TTC7A: variants seen among roughly 807,000 people sequenced by gnomAD.
TTC7A encodes the protein tetratricopeptide repeat domain 7A, also known as tetratricopeptide repeat protein 7A.
In TTC7A, 110 loss-of-function variants were observed where a neutral mutation model predicts 103.7. The observed-to-expected ratio is 1.06, with a 90% confidence interval of 0.91 to 1.24. The LOEUF is 1.24. TTC7A is among the 50% of genes most tolerant of loss of function. The probability of loss-of-function intolerance (pLI) is 0.00; values close to 1 mark genes in which losing one functional copy is unlikely to be tolerated. For synonymous variants in TTC7A, 521 were observed against 467.9 expected (o/e 1.11, Z -1.47); for missense variants, 1,340 against 1,116.3 (o/e 1.20, Z -2.86).
Position 47,049,995 on chromosome 2 carries a change from A to T in TTC7A, c.1966A>T (p.Lys656Ter), listed in dbSNP as rs1249347636. ...CTTCGGTGAGGGCCTCACCATGAAG[A>T]AGCAGAGTGGCATGCACCTGACTTT... Reference protein sequence around the residue: ...GSFGEGLTMKKQSGMHLTLPD... With the variant: ...GSFGEGLTMK The change falls in exon 17 of 20, where the codon AAG becomes TAG. Residue 656 changes from lysine to a stop codon, truncating the protein, a stop_gained. Transcript: ENST00000319190. LOFTEE classifies it high-confidence loss of function. The T allele has an allele frequency of 1.9e-6, 3 of 1,614,050 alleles. No individual in the cohort carries two copies. The highest frequency in any genetic ancestry group is 2.5e-6 in the Non-Finnish European group (3 of 1,180,044).
At chr2:46,966,889 C>T (rs1260258479) in intron 3 of TTC7A, among the ~76,000 whole-genome samples, 1 of 127,386 alleles carries the variant, frequency 7.9e-6, no homozygotes, top group Non-Finnish European at 1.6e-5. Flanking sequence ...GCCAAATTGC[C>T]TGTGTTTTTT....
intron 17 of TTC7A, chr2:47,050,965 A>C (rs766569651): frequency 6.6e-6 from 1 of 152,238 alleles, no homozygotes; most frequent in Non-Finnish European, 1.5e-5. Context: ...GAAAGTGCTC[A>C]CATTTCACCT....
intron 18 of TTC7A, 37 bp from the exon 19 acceptor site, chr2:47,060,732 A>AC (rs748137708): frequency 2.6e-6 from 4 of 1,561,500 alleles, no homozygotes; most frequent in Admixed American, 3.5e-5. Flanking sequence ...CTGACTCCCC[A>AC]CCACTCACAC....
chr2:46,957,113 G>T (rs898109567), intron 3 of TTC7A, 106 bp downstream of exon 3: 3 of 1,431,940 alleles, frequency 2.1e-6, no homozygotes, highest in Middle Eastern at 2.2e-4. Flanking sequence ...ACCCCTGGTA[G>T]TGCCCATGCC....
chr2:46,916,760 G>A (rs1316073877), intron 1 of TTC7A, among the ~76,000 whole-genome samples: 2 of 151,958 alleles, frequency 1.3e-5, no homozygotes. Context: ...TCAGCCTCCC[G>A]AGTAGCTGGG....
chr2:47,049,962 G>A lies in TTC7A; in HGVS notation c.1933G>A (p.Asp645Asn). Residue 645 changes from aspartate (D) to asparagine (N), a missense_variant, in exon 17 of 20, where the codon GAT becomes AAT. Physicochemically the swap from Asp to Asn is conservative, Grantham distance 23. Transcript: ENST00000319190. ...SFSQLGGLEKDGSFGEGLTMK... is the reference protein window; with the variant it reads ...SFSQLGGLEKNGSFGEGLTMK... ...TTTGCCTTCCAGAGGCCTAGAAAAGGATGGCAGCTTCGGTGAGGGCCTCAC... is the reference window on the plus strand; with the variant it reads ...TTTGCCTTCCAGAGGCCTAGAAAAGAATGGCAGCTTCGGTGAGGGCCTCAC... 6.2e-7 allele frequency: 1 copy of A among 1,614,162 alleles called. No homozygotes were observed.
At chr2:47,057,356 G>A (rs968211011) in intron 18 of TTC7A, among the ~76,000 whole-genome samples, 3 of 152,164 alleles carry the variant, frequency 2.0e-5, no homozygotes, top group South Asian at 2.1e-4. Flanking sequence ...CAGCCCTAAC[G>A]GTTCTTCAGG....
intron 15 of TTC7A, among the ~76,000 whole-genome samples, chr2:47,037,749 C>A (rs976191578): frequency 1.2e-4 from 19 of 152,184 alleles, no homozygotes; most frequent in Admixed American, 7.9e-4. Flanking sequence ...TCATGATTCC[C>A]CTTTTACAGA....
chr2:47,047,256 G>A, intron 16 of TTC7A: 1 of 1,536,652 alleles, frequency 6.5e-7, no homozygotes, highest in South Asian at 1.2e-5. Context: ...GTATATTTGT[G>A]TTTTCACAGA....
intron 3 of TTC7A, among the ~76,000 whole-genome samples, chr2:46,970,726 C>G (rs1021364443): frequency 1.3e-5 from 2 of 152,204 alleles, no homozygotes; most frequent in South Asian, 2.1e-4. Context: ...GCTGGCCTAG[C>G]TCTGGCAGTG....
chr2:47,057,033 G>T (rs1218912979), intron 18 of TTC7A, among the ~76,000 whole-genome samples: 2 of 152,226 alleles, frequency 1.3e-5, no homozygotes, highest in African/African-American at 4.8e-5. Flanking sequence ...GGCAGCCACG[G>T]CCAGGCTGGG....
At position 47,006,714 on chromosome 2, in the gene TTC7A, C is replaced by T. The variant is rs1213356468; in HGVS notation, c.1277C>T (p.Ala426Val). 1 of 1,613,732 alleles carries T rather than the reference C, an allele frequency of 6.2e-7. No homozygotes were observed. The highest frequency in any genetic ancestry group is 8.5e-7 in the Non-Finnish European group (1 of 1,179,614). The change falls in exon 10 of 20, where the codon GCT becomes GTT. Residue 426 changes from alanine (A) to valine (V), a missense_variant. Physicochemically the swap from Ala to Val is moderately conservative, Grantham distance 64 (BLOSUM62 0). Transcript: ENST00000319190. The part of the protein sequence containing the change: ...LWYQVALSMV[A>V]CGKSAYAVSL... Reference sequence around the variant, plus strand: ...TACCAGGTGGCCCTCTCCATGGTGGCTTGTGGGAAGGTAAGGCCCAGGGGG... The same window carrying T: ...TACCAGGTGGCCCTCTCCATGGTGGTTTGTGGGAAGGTAAGGCCCAGGGGG...
In TTC7A at chr2:46,975,089, C is replaced by T. The variant is rs569979408; in HGVS notation, c.634C>T (p.Gln212Ter). 3 of 1,613,746 alleles carry T rather than the reference C, an allele frequency of 1.9e-6. No homozygotes were observed. The highest frequency in any genetic ancestry group is 1.3e-5 in the African/African-American group (1 of 75,036). Residue 212 changes from glutamine (Q) to a stop codon, truncating the protein, a stop_gained, in exon 4 of 20, where the codon CAG (glutamine) becomes TAG (stop). Coordinates refer to ENST00000319190, the MANE Select transcript of TTC7A (RefSeq NM_020458.4). LOFTEE classifies it high-confidence loss of function. ...CTCCTGGATCGCTCAGGTGTTCCTGCAGGAATTGGAGAAGGTGAGCTGGAA... is the reference window on the plus strand; with the variant it reads ...CTCCTGGATCGCTCAGGTGTTCCTGTAGGAATTGGAGAAGGTGAGCTGGAA... ...RASWIAQVFL[Q>*]ELEKTTNNST...
At chr2:46,972,424 A>T (rs1405578905) in intron 3 of TTC7A, among the ~76,000 whole-genome samples, 1 of 152,218 alleles carries the variant, frequency 6.6e-6, no homozygotes, top group Admixed American at 6.5e-5. Context: ...TTAAATGTAC[A>T]CTTCAGTAGT....
intron 11 of TTC7A, among the ~76,000 whole-genome samples, chr2:47,017,069 G>A (rs1036840270): frequency 7.9e-5 from 12 of 151,690 alleles, no homozygotes; most frequent in African/African-American, 2.2e-4. Flanking sequence ...GCATGGTGGC[G>A]GGCACCTGTA....
intron 3 of TTC7A, among the ~76,000 whole-genome samples, chr2:46,961,004 A>G: frequency 6.6e-6 from 1 of 152,154 alleles, no homozygotes; most frequent in East Asian, 1.9e-4. Context: ...TTGTTCAGAA[A>G]ATTTGCTTTT....
intron 2 of TTC7A, among the ~76,000 whole-genome samples, chr2:46,930,314 T>G (rs1166183908): frequency 6.6e-6 from 1 of 151,652 alleles, no homozygotes. Flanking sequence ...ATAATGAATA[T>G]GAATACCAGT....
At chr2:46,986,501 G>T (rs563042082) in intron 5 of TTC7A, among the ~76,000 whole-genome samples, 1 of 152,072 alleles carries the variant, frequency 6.6e-6, no homozygotes, top group Non-Finnish European at 1.5e-5. Context: ...GTCAGGCAGT[G>T]CTCTGTGCTG....
chr2:46,924,423 G>A (rs1340984050), intron 2 of TTC7A, among the ~76,000 whole-genome samples: 3 of 151,824 alleles, frequency 2.0e-5, no homozygotes, highest in East Asian at 3.9e-4. Flanking sequence ...GAAAGCTTGG[G>A]TTTTACATTT....
Sources: allele counts gnomAD v4.1 joint callset (sites outside exome capture counted in the v4.1 genomes callset), GRCh38; gene constraint gnomAD v4.1.1; transcripts MANE v1.5; gene names NCBI Gene and HGNC (gene_info 2026-07-23, HGNC 2026-07-21).